The following PKP4 variants were observed in gnomAD, a reference collection of about 807,000 sequenced individuals.
The protein encoded by PKP4 is plakophilin 4, also known as plakophilin-4.
Under a neutral mutation model 145.1 loss-of-function variants are expected in PKP4, and 90 were observed. That is an observed-to-expected ratio of 0.62 (90% CI 0.52 to 0.74). PKP4 has a LOEUF of 0.74. PKP4 is among the 30% of genes least tolerant of loss of function. The pLI, the probability that PKP4 is intolerant of heterozygous loss-of-function variation, is 0.00. For missense variants in PKP4, 1,340 were observed against 1,482.7 expected (o/e 0.90, Z 1.58); for synonymous variants, 563 against 577.2 (o/e 0.98, Z 0.35).
In PKP4 at chr2:158,648,078, A is replaced by G. The variant is rs190090461; in HGVS notation, c.1909+5379A>G. Reference sequence around the variant, plus strand: ...TTAATGTACGTACCAGATGTCCCCAACTGTCACACTTCTATTACCCTCTTA... The same window carrying G: ...TTAATGTACGTACCAGATGTCCCCAGCTGTCACACTTCTATTACCCTCTTA... On this transcript the variant is annotated intron_variant, in intron 11 of 21. Transcript: ENST00000389759. 1.8e-3 allele frequency among the ~76,000 whole-genome samples: 281 copies of G among 152,308 alleles called. 1 individual carries two copies. Among genetic ancestry groups the G allele is most frequent in the Non-Finnish European group, 3.7e-3 (251 of 68,024 alleles).
intron 4 of PKP4, among the ~76,000 whole-genome samples, chr2:158,618,571 T>C (rs796161973): frequency 2.0e-5 from 3 of 152,330 alleles, no homozygotes; most frequent in African/African-American, 7.2e-5. Context: ...GAATCACATA[T>C]CTCATGATTT....
At chr2:158,491,338 ACT>A (rs1222600704) in intron 1 of PKP4, among the ~76,000 whole-genome samples, 1 of 152,010 alleles carries the variant, frequency 6.6e-6, no homozygotes, top group Non-Finnish European at 1.5e-5. Flanking sequence ...CGGTGCTGAT[ACT>A]CTCTAGAATG....
chr2:158,650,817 G>A (rs1368513931), intron 11 of PKP4, among the ~76,000 whole-genome samples: 1 of 127,018 alleles, frequency 7.9e-6, no homozygotes, highest in Non-Finnish European at 1.9e-5. Flanking sequence ...GAGAACACAG[G>A]GGTGAGCAAG....
Position 158,676,618 on chromosome 2 carries a change from C to T in PKP4, c.3128-121C>T, listed in dbSNP as rs934230730. ...CCCAGCACCTCTGAGATATTTTCAG[C>T]ACCAGCTGTGTGTCATTTCTAGTTA... On this transcript the variant is annotated intron_variant, in intron 19 of 21. Transcript: ENST00000389759. 1.4e-5 allele frequency: 17 copies of T among 1,188,586 alleles called. No homozygotes were observed. The South Asian group carries it at 2.2e-4, about 15-fold the overall frequency. 73.6% of individuals were successfully genotyped at this position (1,188,586 alleles called of 1,614,324 possible).
In PKP4 at chr2:158,487,774, T is replaced by TGAGA. The variant is rs145563862; in HGVS notation, c.-6+30573_-6+30576dup. ...AGAGACTTGATGGTGAAAGAAAGAC[T>TGAGA]GAGAGAGAGAGAGAGAGAGAAGAGA... On this transcript the variant is annotated intron_variant, in intron 1 of 21. Coordinates refer to ENST00000389759, the MANE Select transcript of PKP4 (RefSeq NM_003628.6). Among the ~76,000 whole-genome samples, 55 of 134,922 alleles carry TGAGA rather than the reference T, an allele frequency of 4.1e-4. 1 individual carries two copies. Among genetic ancestry groups the TGAGA allele is most frequent in the Admixed American group, 1.2e-3 (15 of 13,004 alleles). The allele number at this position is 134,922 out of a possible 152,430, so 88.5% of individuals were successfully genotyped here.
intron 3 of PKP4, among the ~76,000 whole-genome samples, chr2:158,592,371 T>G (rs927417557): frequency 6.6e-6 from 1 of 152,056 alleles, no homozygotes; most frequent in Non-Finnish European, 1.5e-5. Flanking sequence ...GGTCCACTCT[T>G]TTTCCAGGAT....
intron 1 of PKP4, among the ~76,000 whole-genome samples, chr2:158,476,528 G>A (rs1262013915): frequency 3.3e-5 from 5 of 151,712 alleles, no homozygotes. Context: ...ACAGAATTTC[G>A]CTGTGTTGCC....
rs1225250452 is a variant in PKP4 at position 158,526,939 on chromosome 2, G to A, written c.-5-6241G>A. Among the ~76,000 whole-genome samples the A allele has an allele frequency of 6.3e-5, 5 of 79,502 alleles. 1 individual carries two copies. Among genetic ancestry groups the A allele is most frequent in the Admixed American group, 4.6e-4 (3 of 6,566 alleles). 52.2% of individuals were successfully genotyped at this position (79,502 alleles called of 152,430 possible). ...AATCCAACTTACAAGGGATGTGAAG[G>A]ACCTCTTCAAGGAGAACTACAAACC... On this transcript the variant is annotated intron_variant, in intron 1 of 21. Transcript: ENST00000389759.
intron 11 of PKP4, among the ~76,000 whole-genome samples, chr2:158,646,396 A>G (rs1237462130): frequency 1.3e-5 from 2 of 152,248 alleles, no homozygotes; most frequent in Non-Finnish European, 2.9e-5. Flanking sequence ...TCCCAGTTCA[A>G]AAAGCCAAAT....
intron 17 of PKP4, 61 bp downstream of exon 17, chr2:158,669,976 G>A: frequency 3.1e-6 from 4 of 1,307,902 alleles, no homozygotes; most frequent in Non-Finnish European, 4.2e-6. Context: ...CCTGTGATGA[G>A]GCCTTTGTTG....
chr2:158,464,947 T>C (rs1250172406), intron 1 of PKP4, among the ~76,000 whole-genome samples: 3 of 152,250 alleles, frequency 2.0e-5, no homozygotes, highest in African/African-American at 7.2e-5. Context: ...ATACTACTTA[T>C]TTGAAATGAT....
In PKP4 at chr2:158,477,227, G is replaced by A. The variant is rs139662407; in HGVS notation, c.-6+20009G>A. Among the ~76,000 whole-genome samples, 640 of 151,718 alleles carry A rather than the reference G, an allele frequency of 4.2e-3. 6 individuals carry two copies. Among genetic ancestry groups the A allele is most frequent in the African/African-American group, 0.014 (567 of 41,344 alleles). Reference sequence around the variant, plus strand: ...AAGATGTTAGAGATCACCATATGCAGTTCTTTCCTTTTACAGGGGAAGAGC... The same window carrying A: ...AAGATGTTAGAGATCACCATATGCAATTCTTTCCTTTTACAGGGGAAGAGC... On this transcript the variant is annotated intron_variant, in intron 1 of 21. Coordinates refer to ENST00000389759, the MANE Select transcript of PKP4 (RefSeq NM_003628.6).
chr2:158,559,341 T>C (rs1305588712), intron 2 of PKP4, among the ~76,000 whole-genome samples: 3 of 119,512 alleles, frequency 2.5e-5, no homozygotes, highest in Admixed American at 1.6e-4. Context: ...TAGACTGTGT[T>C]GTCCTTTCTT....
chr2:158,534,858 G>A (rs1325995545), intron 2 of PKP4, among the ~76,000 whole-genome samples: 1 of 152,090 alleles, frequency 6.6e-6, no homozygotes, highest in African/African-American at 2.4e-5. Flanking sequence ...TATTTTGTGG[G>A]AAGTGCTAAG....
chr2:158,568,281 T>A (rs2047157327), intron 2 of PKP4, among the ~76,000 whole-genome samples: 1 of 152,178 alleles, frequency 6.6e-6, no homozygotes, highest in Admixed American at 6.5e-5. Context: ...GAGGTTGCAG[T>A]GAGCTGAGAT....
At position 158,666,396 on chromosome 2, in the gene PKP4, C is replaced by A; in HGVS notation, c.2578-17C>A. 6.4e-7 allele frequency: 1 copy of A among 1,564,424 alleles called. No individual in the cohort carries two copies. The highest frequency in any genetic ancestry group is 1.2e-5 in the South Asian group (1 of 82,100). ...AACTCTGTTTTATGTTACTTCCTGC[C>A]TTATTTTTCTCACTAGTTTGCAGCA... On this transcript the variant is annotated splice_polypyrimidine_tract_variant and intron_variant, in intron 15 of 21. Transcript: ENST00000389759.
At chr2:158,598,468 T>TA in intron 3 of PKP4, among the ~76,000 whole-genome samples, 1 of 152,252 alleles carries the variant, frequency 6.6e-6, no homozygotes, top group Admixed American at 6.5e-5. Context: ...AAACATTTTT[T>TA]AAAAATATTC....
intron 1 of PKP4, among the ~76,000 whole-genome samples, chr2:158,515,463 A>G (rs2041860939): frequency 6.6e-6 from 1 of 152,168 alleles, no homozygotes. Context: ...TCTTGAAAAA[A>G]AAGGAAAAGA....
chr2:158,588,967 G>A (rs2049029765), intron 3 of PKP4: 1 of 152,168 alleles, frequency 6.6e-6, no homozygotes, highest in Non-Finnish European at 1.5e-5. Context: ...GTGATGAAGT[G>A]TCTTCCTAGC....
Sources: allele counts gnomAD v4.1 joint callset (sites outside exome capture counted in the v4.1 genomes callset), GRCh38; gene constraint gnomAD v4.1.1; transcripts MANE v1.5; gene names NCBI Gene and HGNC (gene_info 2026-07-23, HGNC 2026-07-21).